AKAP13: variants seen among roughly 807,000 people sequenced by gnomAD.
AKAP13 encodes the protein A-kinase anchoring protein 13, also known as A-kinase anchor protein 13.
Under a neutral mutation model 264.5 loss-of-function variants are expected in AKAP13, and 80 were observed. The observed-to-expected ratio is 0.30, with a 90% CI of 0.25 to 0.36. The LOEUF is 0.36. Ranked by LOEUF, AKAP13 falls within the 10% of genes least tolerant of loss-of-function variation. AKAP13 has a pLI of 1.00. For missense variants in AKAP13, 3,712 were observed against 3,435.2 expected (o/e 1.08, Z -2.01); for synonymous variants, 1,380 against 1,250.2 (o/e 1.10, Z -2.19).
chr15:85,583,791 T>C (rs17633255), intron 7 of AKAP13, among the ~76,000 whole-genome samples: 7,142 of 152,244 alleles, frequency 0.047, 314 homozygotes, highest in Admixed American at 0.15. Context: ...TTAGCACATA[T>C]AGTAAAGATG....
At position 85,746,776 on chromosome 15, in the gene AKAP13, GTTCCCCTCCTGGGAT is replaced by G. The variant is rs1162965041; in HGVS notation, c.*2102_*2116del. 2.6e-5 allele frequency: 4 copies of G among 152,232 alleles called. No homozygotes were observed. The highest frequency in any genetic ancestry group is 5.9e-5 in the Non-Finnish European group (4 of 68,048). 9.4% of individuals were successfully genotyped at this position (152,232 alleles called of 1,614,324 possible). ...TGTCTGTTCTGGGCACTGGCTCCGA[GTTCCCCTCCTGGGAT>G]TTGCAGGAGGGCAGTACTGAACCTG... On this transcript the variant is annotated 3_prime_UTR_variant, in exon 37 of 37. Coordinates refer to ENST00000394518, the MANE Select transcript of AKAP13 (RefSeq NM_007200.5).
intron 14 of AKAP13, among the ~76,000 whole-genome samples, chr15:85,675,780 A>C (rs2084193406): frequency 6.6e-6 from 1 of 152,232 alleles, no homozygotes; most frequent in East Asian, 1.9e-4. Context: ...TGTGGAAAGC[A>C]AGACTGAGGA....
At chr15:85,443,320 TGA>T (rs1485832372) in intron 1 of AKAP13, among the ~76,000 whole-genome samples, 1 of 152,160 alleles carries the variant, frequency 6.6e-6, no homozygotes, top group Non-Finnish European at 1.5e-5. Context: ...AAAGATAAAG[TGA>T]GAGAGCTTAG....
intron 5 of AKAP13, among the ~76,000 whole-genome samples, chr15:85,544,791 A>G (rs1412100272): frequency 6.6e-6 from 1 of 152,262 alleles, no homozygotes; most frequent in Non-Finnish European, 1.5e-5. Context: ...CTGAACAAGT[A>G]TAAACCCATT....
At chr15:85,591,367 T>C (rs560771401) in intron 8 of AKAP13, among the ~76,000 whole-genome samples, 2 of 152,190 alleles carry the variant, frequency 1.3e-5, no homozygotes, top group African/African-American at 2.4e-5. Context: ...CTAAAGCCAT[T>C]GCATTATACT....
At chr15:85,413,868 A>G (rs2072102571) in intron 1 of AKAP13, among the ~76,000 whole-genome samples, 1 of 152,230 alleles carries the variant, frequency 6.6e-6, no homozygotes, top group Non-Finnish European at 1.5e-5. Flanking sequence ...TTGTCTTGGT[A>G]CATGTATTTT....
chr15:85,580,523 C>CAT lies in AKAP13; in HGVS notation c.2457_2458dup (p.Thr820IlefsTer22). The CAT allele has an allele frequency of 6.2e-7, 1 of 1,614,216 alleles. No individual in the cohort carries two copies. The highest frequency in any genetic ancestry group is 8.5e-7 in the Non-Finnish European group (1 of 1,180,042). ...AAAGGGAACAGCAACTCCTGAACTA[C>CAT]ATACAGCTACAGATTATAGAGATGG... On this transcript the variant is annotated frameshift_variant, in exon 7 of 37. Coordinates refer to ENST00000394518, the MANE Select transcript of AKAP13 (RefSeq NM_007200.5). LOFTEE classifies it high-confidence loss of function.
chr15:85,695,045 G>A (rs2085492607), intron 17 of AKAP13, among the ~76,000 whole-genome samples: 2 of 151,928 alleles, frequency 1.3e-5, no homozygotes. Flanking sequence ...TTCTGGCTCA[G>A]CCAGCCTCCT....
chr15:85,400,425 A>C (rs1263537855), intron 1 of AKAP13, among the ~76,000 whole-genome samples: 2 of 152,102 alleles, frequency 1.3e-5, no homozygotes, highest in Non-Finnish European at 2.9e-5. Context: ...AAAAAAATTA[A>C]AAAACAAAAT....
chr15:85,618,566 G>A (rs930479110), intron 8 of AKAP13, among the ~76,000 whole-genome samples: 14 of 151,820 alleles, frequency 9.2e-5, no homozygotes, highest in African/African-American at 3.4e-4. Context: ...GTAAGAGAAT[G>A]TCTCAGGTGA....
Position 85,743,590 on chromosome 15 carries a change from G to T in AKAP13, c.8157G>T (p.Gly2719=), listed in dbSNP as rs550817530. 9.9e-6 allele frequency: 16 copies of T among 1,614,112 alleles called. No homozygotes were observed. The South Asian group carries it at 1.8e-4, about 18-fold the overall frequency. Residue 2719 remains glycine (G), a synonymous_variant, in exon 36 of 37, where the codon GGG becomes GGT. Transcript: ENST00000394518. Reference sequence around the variant, plus strand: ...CTGCACCTTCCATAGCCAAATCAGGGTCATTGGACTCAGAACTTTCAGTGT... The same window carrying T: ...CTGCACCTTCCATAGCCAAATCAGGTTCATTGGACTCAGAACTTTCAGTGT... The part of the protein sequence containing the change: ...SPSAPSIAKS[G]SLDSELSVSP...
At position 85,693,469 on chromosome 15, in the gene AKAP13, T is replaced by G; in HGVS notation, c.5464+18T>G. 6.2e-7 allele frequency: 1 copy of G among 1,609,590 alleles called. No homozygotes were observed. The highest frequency in any genetic ancestry group is 8.5e-7 in the Non-Finnish European group (1 of 1,178,852). ...TTGTGCAAGTAAGAGACATGCTTCT[T>G]CCTCTCGTAAGATGGAACTCTCTTG... On this transcript the variant is annotated intron_variant, in intron 17 of 36. Transcript: ENST00000394518.
intron 8 of AKAP13, among the ~76,000 whole-genome samples, chr15:85,606,651 C>T (rs2080359913): frequency 6.6e-6 from 1 of 152,130 alleles, no homozygotes; most frequent in Admixed American, 6.5e-5. Context: ...TTGGTGGAGG[C>T]ATCATGGGGG....
rs778759962 is a variant in AKAP13 at position 85,580,908 on chromosome 15, T to C, written c.2840T>C (p.Leu947Ser). 1.7e-5 allele frequency: 28 copies of C among 1,614,104 alleles called. No homozygotes were observed. The highest frequency in any genetic ancestry group is 2.1e-5 in the Non-Finnish European group (25 of 1,180,044). The change falls in exon 7 of 37, where the codon TTG becomes TCG. Residue 947 changes from leucine (L) to serine (S), a missense_variant. Leu to Ser is a moderately radical substitution (Grantham distance 145). Coordinates refer to ENST00000394518, the MANE Select transcript of AKAP13 (RefSeq NM_007200.5). ...IKENALSSGT[L>S]QEEQRTPPPG... Reference sequence around the variant, plus strand: ...GAAAATGCTCTCTCTTCAGGAACTTTGCAGGAAGAGCAGAGAACACCACCT... The same window carrying C: ...GAAAATGCTCTCTCTTCAGGAACTTCGCAGGAAGAGCAGAGAACACCACCT...
At chr15:85,393,973 G>A (rs189855277) in intron 1 of AKAP13, among the ~76,000 whole-genome samples, 4 of 152,300 alleles carry the variant, frequency 2.6e-5, no homozygotes, top group Admixed American at 2.6e-4. Flanking sequence ...GAAAGTAGCA[G>A]AAACTTGCCA....
At chr15:85,613,679 TAAAAAAAA>T (rs762473477) in intron 8 of AKAP13, among the ~76,000 whole-genome samples, 15,105 of 100,460 alleles carry the variant, frequency 0.15, 2,619 homozygotes, top group African/African-American at 0.25. Context: ...AGACTCCGTC[TAAAAAAAA>T]AAAAATATAT....
intron 1 of AKAP13, among the ~76,000 whole-genome samples, chr15:85,405,409 A>G (rs895874344): frequency 2.6e-5 from 4 of 152,224 alleles, no homozygotes; most frequent in African/African-American, 9.6e-5. Context: ...CATGATTCAC[A>G]TACTGATTTT....
chr15:85,418,067 C>CATTATT lies in AKAP13; in HGVS notation c.-12+37288_-12+37293dup, dbSNP rs34170000. On this transcript the variant is annotated intron_variant, in intron 1 of 36. Transcript: ENST00000394518. ...CATTATTTATTATTATTATTATTAT[C>CATTATT]ATTATTATTATTATTATTATTATTC... Among the ~76,000 whole-genome samples, 286 of 133,900 alleles carry CATTATT rather than the reference C, an allele frequency of 2.1e-3. 1 individual carries two copies. Among genetic ancestry groups the CATTATT allele is most frequent in the Middle Eastern group, 7.4e-3 (2 of 270 alleles). 87.8% of individuals were successfully genotyped at this position (133,900 alleles called of 152,430 possible).
At chr15:85,631,502 T>TCACACACACACACA (rs55928032) in intron 8 of AKAP13, among the ~76,000 whole-genome samples, 2 of 140,958 alleles carry the variant, frequency 1.4e-5, no homozygotes, top group African/African-American at 5.4e-5. Context: ...TCTCTCTCTC[T>TCACACACACACACA]CACACACACA....
Sources: gnomAD v4.1 joint callset for allele counts (sites outside exome capture counted in the v4.1 genomes callset) on GRCh38, gnomAD v4.1.1 for gene constraint, MANE v1.5 for transcripts, NCBI Gene and HGNC (gene_info 2026-07-23, HGNC 2026-07-21) for gene names.